Variants in TMEM63C observed in about 807,000 individuals in gnomAD.
The protein encoded by TMEM63C is transmembrane protein 63C, also known as osmosensitive cation channel TMEM63C.
Under a neutral mutation model 99.2 loss-of-function variants are expected in TMEM63C, and 32 were observed. That is an observed-to-expected ratio of 0.32 (90% confidence interval 0.24 to 0.43). The LOEUF is 0.43. TMEM63C is among the 20% of genes least tolerant of loss of function. The pLI is 1.00. For synonymous variants in TMEM63C, 376 were observed against 397.9 expected, an observed-to-expected ratio of 0.94 and a Z score of 0.66; for missense variants, 826 against 1,053.0, an observed-to-expected ratio of 0.78 and a Z score of 2.98.
At chr14:77,183,357 G>A (rs1016225260) in intron 1 of TMEM63C, among the ~76,000 whole-genome samples, 4 of 152,186 alleles carry the variant, frequency 2.6e-5, no homozygotes, top group African/African-American at 9.7e-5. Context: ...TCGGTGACAG[G>A]GAACAGCACC....
chr14:77,229,376 A>G (rs977527572), intron 6 of TMEM63C, among the ~76,000 whole-genome samples: 4 of 152,142 alleles, frequency 2.6e-5, no homozygotes, highest in African/African-American at 9.7e-5. Flanking sequence ...AGCCGGAGCT[A>G]TAGAGTGAGA....
intron 10 of TMEM63C, 27 bp downstream of exon 10, chr14:77,238,794 G>A (rs376829486): frequency 2.3e-5 from 37 of 1,590,036 alleles, no homozygotes; most frequent in Admixed American, 8.4e-5. Context: ...AGGCCAAGGC[G>A]TGGATTGCTT....
chr14:77,182,398 G>A (rs529148119), intron 1 of TMEM63C, among the ~76,000 whole-genome samples: 146 of 152,316 alleles, frequency 9.6e-4, no homozygotes, highest in African/African-American at 3.3e-3. Context: ...GCCCCCAGGG[G>A]AACAATGCCA....
chr14:77,228,922 T>C (rs1247036730), intron 6 of TMEM63C, among the ~76,000 whole-genome samples: 1 of 152,168 alleles, frequency 6.6e-6, no homozygotes, highest in African/African-American at 2.4e-5. Context: ...GGGTAAACCA[T>C]GGTGTGTCCA....
At chr14:77,251,425 C>A (rs932206170) in intron 21 of TMEM63C, among the ~76,000 whole-genome samples, 4 of 152,144 alleles carry the variant, frequency 2.6e-5, no homozygotes, top group African/African-American at 7.2e-5. Context: ...AAAGGGCTTG[C>A]AGGGAAAGGT....
intron 23 of TMEM63C, among the ~76,000 whole-genome samples, chr14:77,255,851 C>A (rs907716909): frequency 1.3e-5 from 2 of 152,208 alleles, no homozygotes; most frequent in Admixed American, 6.5e-5. Flanking sequence ...GTAGGAAAAC[C>A]GTTCCTTCAA....
rs1174376340 is a variant in TMEM63C, at chr14:77,258,787, C to G, written c.*2061C>G. The G allele has an allele frequency of 6.6e-6, 1 of 152,670 alleles. No individual in the cohort carries two copies. The highest frequency in any genetic ancestry group is 1.5e-5 in the Non-Finnish European group (1 of 68,390). 9.5% of individuals were successfully genotyped at this position (152,670 alleles called of 1,614,324 possible). On this transcript the variant is annotated 3_prime_UTR_variant, in exon 24 of 24. Coordinates refer to ENST00000298351, the MANE Select transcript of TMEM63C (RefSeq NM_020431.4). Reference sequence around the variant, plus strand: ...CTTTGCTGGACACAGCTCCCTGGCCCCTGCCCCCAGCCCCTGCAGCCCCTG... The same window carrying G: ...CTTTGCTGGACACAGCTCCCTGGCCGCTGCCCCCAGCCCCTGCAGCCCCTG...
intron 5 of TMEM63C, among the ~76,000 whole-genome samples, chr14:77,220,471 G>A (rs143053517): frequency 6.6e-6 from 1 of 152,162 alleles, no homozygotes; most frequent in East Asian, 1.9e-4. Flanking sequence ...TTCTAGTCAT[G>A]TGGTAGGGAT....
rs1319805029 is a variant in TMEM63C, at chr14:77,242,959, CCTTCCTCTT to C, written c.1258_1266del (p.Leu420_Phe422del). 6.2e-7 allele frequency: 1 copy of C among 1,614,042 alleles called. No homozygotes were observed. The highest frequency in any genetic ancestry group is 2.2e-5 in the East Asian group (1 of 44,880). ...TGGGCCCGCTTTATCGCAATCAACACCTTCCTCTTCTTCCTCTTCTTCTTTCTCACCACG... is the reference window on the plus strand; with the variant it reads ...TGGGCCCGCTTTATCGCAATCAACACCTTCCTCTTCTTCTTTCTCACCACG... On this transcript the variant is annotated inframe_deletion, in exon 15 of 24. Transcript: ENST00000298351.
At chr14:77,231,539 T>C in intron 6 of TMEM63C, 49 bp from the exon 7 acceptor site, 2 of 1,545,960 alleles carry the variant, frequency 1.3e-6, no homozygotes, top group Non-Finnish European at 8.7e-7. Context: ...CAACAAGTGG[T>C]GGCCACGCTG....
chr14:77,251,940 CT>C lies in TMEM63C; in HGVS notation c.2148+43del. ...CCCCTCCTCCTGGTTCTCTTGGTCC[CT>C]GGGGGACACAGCTGTAGGATACTCT... is the stretch of plus-strand genomic sequence containing the variant. On this transcript the variant is annotated intron_variant, in intron 22 of 23. Coordinates refer to ENST00000298351, the MANE Select transcript of TMEM63C (RefSeq NM_020431.4). 4 of 1,469,524 alleles carry C rather than the reference CT, an allele frequency of 2.7e-6. No homozygotes were observed. In the Admixed American group the frequency reaches 6.7e-5, roughly 25 times the overall value. The allele number at this position is 1,469,524 out of a possible 1,614,324, so 91.0% of individuals were successfully genotyped here.
At chr14:77,192,238 C>T (rs1888122436) in intron 1 of TMEM63C, among the ~76,000 whole-genome samples, 1 of 152,202 alleles carries the variant, frequency 6.6e-6, no homozygotes, top group Non-Finnish European at 1.5e-5. Context: ...TTTCTACACC[C>T]TTTACCTGTA....
Position 77,202,195 on chromosome 14 carries a change from T to C in TMEM63C, c.-76-11251T>C, listed in dbSNP as rs1412627271. Among the ~76,000 whole-genome samples, 4 of 152,004 alleles carry C rather than the reference T, an allele frequency of 2.6e-5. No homozygotes were observed. In the East Asian group the frequency reaches 7.7e-4, roughly 29 times the overall value. On this transcript the variant is annotated intron_variant, in intron 1 of 23. Coordinates refer to ENST00000298351, the MANE Select transcript of TMEM63C (RefSeq NM_020431.4). ...ATGCACACATATGAACACATAAATA[T>C]GCATGCAACCCAAAACACAAGCATC...
At chr14:77,243,196 C>G in intron 15 of TMEM63C, 140 bp downstream of exon 15, 1 of 1,034,904 alleles carries the variant, frequency 9.7e-7, no homozygotes, top group South Asian at 1.6e-5. Flanking sequence ...GGCCATGGTG[C>G]AAATGGCGGG....
intron 18 of TMEM63C, among the ~76,000 whole-genome samples, chr14:77,247,000 T>C (rs1380373714): frequency 6.6e-6 from 1 of 152,192 alleles, no homozygotes. Flanking sequence ...AACTATAGTG[T>C]AATATCAAAA....
At chr14:77,248,275 T>C in intron 18 of TMEM63C, 72 bp from the exon 19 acceptor site, 1 of 1,390,760 alleles carries the variant, frequency 7.2e-7, no homozygotes, top group Non-Finnish European at 9.9e-7. Context: ...CTCTCCTCTC[T>C]CTCCTCCCTT....
chr14:77,219,820 G>T (rs748668058), intron 4 of TMEM63C, among the ~76,000 whole-genome samples, 186 bp from the exon 5 acceptor site: 1 of 152,218 alleles, frequency 6.6e-6, no homozygotes, highest in Non-Finnish European at 1.5e-5. Flanking sequence ...CAGATGCCTG[G>T]TGTACCTGGC....
At chr14:77,237,209 A>G (rs1299182186) in intron 9 of TMEM63C, among the ~76,000 whole-genome samples, 2 of 152,078 alleles carry the variant, frequency 1.3e-5, no homozygotes, top group Non-Finnish European at 2.9e-5. Context: ...CCAGTGGACC[A>G]GCGGGGGCCT....
intron 1 of TMEM63C, among the ~76,000 whole-genome samples, chr14:77,194,555 C>CTTTCTT (rs1566616314): frequency 5.0e-4 from 9 of 17,926 alleles, no homozygotes; most frequent in African/African-American, 1.5e-3. Flanking sequence ...CTTTCTTTCT[C>CTTTCTT]TTTCTTTCTT....
Sources: gnomAD v4.1 joint callset for allele counts (sites outside exome capture counted in the v4.1 genomes callset) on GRCh38, gnomAD v4.1.1 for gene constraint, MANE v1.5 for transcripts, NCBI Gene and HGNC (gene_info 2026-07-23, HGNC 2026-07-21) for gene names.